The following ZPLD1 variants were observed in gnomAD, a reference collection of about 807,000 sequenced individuals.
ZPLD1 encodes the protein zona pellucida like domain containing 1.
ZPLD1 carries 34 observed loss-of-function variants against 47.2 expected under a neutral mutation model. The observed-to-expected ratio is 0.72, with a 90% confidence interval of 0.55 to 0.96. The LOEUF (loss-of-function observed/expected upper bound fraction) is 0.96. ZPLD1 is among the 40% of genes least tolerant of loss of function. The pLI is 0.00. For missense variants in ZPLD1, 512 were observed against 505.8 expected, an observed-to-expected ratio of 1.01 and a Z score of -0.12; for synonymous variants, 176 against 186.2, an observed-to-expected ratio of 0.95 and a Z score of 0.45.
chr3:102,402,014 T>C lies in ZPLD1; in HGVS notation c.-157+9789T>C, dbSNP rs191284523. Among the ~76,000 whole-genome samples the C allele has an allele frequency of 7.4e-3, 1,128 of 152,138 alleles. 6 individuals carry two copies. The highest frequency in any genetic ancestry group is 0.011 in the Admixed American group (163 of 15,256). On this transcript the variant is annotated intron_variant, in intron 7 of 17. Coordinates refer to the ZPLD1 transcript ENST00000491959. ...TGCGTTGTAAGTAAAGGCATTTTTTTCCCCTAGAGATTTGACTGCTTCTCT... is the reference window on the plus strand; with the variant it reads ...TGCGTTGTAAGTAAAGGCATTTTTTCCCCCTAGAGATTTGACTGCTTCTCT...
At position 102,442,747 on chromosome 3, in the gene ZPLD1, C is replaced by A. The variant is rs531072390; in HGVS notation, c.106+4154C>A. On this transcript the variant is annotated intron_variant, in intron 3 of 11. Transcript: ENST00000466937. Reference sequence around the variant, plus strand: ...GAGCAATCATCTCACCCTATGTGACCTTTGCTGTTTCATGACATTAGAACT... The same window carrying A: ...GAGCAATCATCTCACCCTATGTGACATTTGCTGTTTCATGACATTAGAACT... 2.6e-4 allele frequency among the ~76,000 whole-genome samples: 40 copies of A among 152,270 alleles called. No individual in the cohort carries two copies. In the East Asian group the frequency reaches 7.5e-3, roughly 29 times the overall value.
intron 8 of ZPLD1, among the ~76,000 whole-genome samples, chr3:102,465,703 T>C (rs1216050776): frequency 2.0e-5 from 3 of 152,176 alleles, no homozygotes; most frequent in Non-Finnish European, 4.4e-5. Context: ...AGTTTTCTTA[T>C]TGGAAACCAT....
intron 10 of ZPLD1, 146 bp from the exon 11 acceptor site, chr3:102,476,866 T>C (rs1229857972): frequency 1.2e-6 from 1 of 836,528 alleles, no homozygotes; most frequent in Non-Finnish European, 1.9e-6. Context: ...GACTTTCATT[T>C]TTGCCTTACT....
intron 8 of ZPLD1, among the ~76,000 whole-genome samples, chr3:102,465,864 T>C (rs974839375): frequency 2.0e-5 from 3 of 152,012 alleles, no homozygotes; most frequent in Admixed American, 1.3e-4. Context: ...AAAAGCAGTG[T>C]AGAAGAGGTG....
intron 3 of ZPLD1, among the ~76,000 whole-genome samples, chr3:102,447,191 A>C (rs1158340325): frequency 6.6e-6 from 1 of 151,906 alleles, no homozygotes; most frequent in East Asian, 1.9e-4. Flanking sequence ...TCAGCCTCCC[A>C]AGTAGCTGGG....
intron 8 of ZPLD1, among the ~76,000 whole-genome samples, chr3:102,427,665 G>C (rs993470900): frequency 1.3e-5 from 2 of 152,150 alleles, no homozygotes; most frequent in Admixed American, 6.5e-5. Context: ...GTAAGGCCCA[G>C]CATATGACAT....
chr3:102,435,188 A>G (rs774733386), intron 1 of ZPLD1, 34 bp downstream of exon 1: 1 of 1,611,706 alleles, frequency 6.2e-7, no homozygotes, highest in South Asian at 1.1e-5. Flanking sequence ...GCAAGATAAT[A>G]GTTCATCAGT....
intron 5 of ZPLD1, among the ~76,000 whole-genome samples, chr3:102,457,387 T>G (rs774540784): frequency 3.3e-5 from 5 of 152,312 alleles, no homozygotes; most frequent in Non-Finnish European, 7.3e-5. Flanking sequence ...AATTTATCAT[T>G]TACCTACTAT....
At chr3:102,416,582 A>T (rs996067091) in intron 7 of ZPLD1, among the ~76,000 whole-genome samples, 5 of 151,940 alleles carry the variant, frequency 3.3e-5, no homozygotes, top group African/African-American at 1.2e-4. Context: ...CTGTCAACAT[A>T]ATTAGGAAGA....
At chr3:102,421,395 G>C (rs778807158) in intron 8 of ZPLD1, among the ~76,000 whole-genome samples, 2 of 151,680 alleles carry the variant, frequency 1.3e-5, no homozygotes, top group African/African-American at 2.4e-5. Flanking sequence ...CATGTAATAA[G>C]TTATAATAAT....
chr3:102,457,750 C>T, intron 5 of ZPLD1, 31 bp from the exon 6 acceptor site: 3 of 1,601,812 alleles, frequency 1.9e-6, no homozygotes, highest in Non-Finnish European at 2.6e-6. Context: ...AAAATCTCAT[C>T]AGTGCTTTCC....
chr3:102,408,382 C>A lies in ZPLD1; in HGVS notation c.-156-9678C>A, dbSNP rs1489712623. Among the ~76,000 whole-genome samples the A allele has an allele frequency of 2.0e-5, 3 of 152,008 alleles. No homozygotes were observed. In the East Asian group the frequency reaches 5.8e-4, roughly 30 times the overall value. On this transcript the variant is annotated intron_variant, in intron 7 of 17. Transcript: ENST00000491959. ...ACACTTATTTGTCAGAACTGGATCACACGCCCATCCTCAGATTCATGGGAT... is the reference window on the plus strand; with the variant it reads ...ACACTTATTTGTCAGAACTGGATCAAACGCCCATCCTCAGATTCATGGGAT...
At chr3:102,442,719 TG>T (rs140824069) in intron 3 of ZPLD1, among the ~76,000 whole-genome samples, 1,628 of 152,274 alleles carry the variant, frequency 0.011, 17 homozygotes, top group Non-Finnish European at 0.014. Context: ...TTAATAATGA[TG>T]AGAGCAATCA....
chr3:102,424,996 T>G lies in ZPLD1; in HGVS notation c.-9+6789T>G, dbSNP rs75436463. ...TAGGTAGTTTGAAAAATAGCTGGGGTTTTTTTTTTTGTTGTTGTTCCATTA... is the reference window on the plus strand; with the variant it reads ...TAGGTAGTTTGAAAAATAGCTGGGGGTTTTTTTTTTGTTGTTGTTCCATTA... On this transcript the variant is annotated intron_variant, in intron 8 of 17. Coordinates refer to the ZPLD1 transcript ENST00000491959. Among the ~76,000 whole-genome samples the G allele has an allele frequency of 1.3e-3, 163 of 126,310 alleles. 1 individual carries two copies. The highest frequency in any genetic ancestry group is 4.1e-3 in the East Asian group (19 of 4,642). 82.9% of individuals were successfully genotyped at this position (126,310 alleles called of 152,430 possible).
At chr3:102,452,533 T>A (rs1389494167) in intron 3 of ZPLD1, among the ~76,000 whole-genome samples, 3 of 152,156 alleles carry the variant, frequency 2.0e-5, no homozygotes, top group Non-Finnish European at 4.4e-5. Context: ...TTTGTAGTGA[T>A]TTTCACTACT....
upstream of ZPLD1, among the ~76,000 whole-genome samples, chr3:102,430,558 T>C (rs922957785): frequency 2.0e-5 from 3 of 152,146 alleles, no homozygotes; most frequent in African/African-American, 7.2e-5. Context: ...GTGAAATAAA[T>C]AATTAATTAA....
intron 6 of ZPLD1, among the ~76,000 whole-genome samples, chr3:102,385,654 A>G (rs779370642): frequency 1.3e-5 from 2 of 152,230 alleles, no homozygotes; most frequent in Non-Finnish European, 2.9e-5. Flanking sequence ...AAATAATGTA[A>G]TATTCTGAAC....
At chr3:102,454,038 G>A (rs187599278) in intron 4 of ZPLD1, among the ~76,000 whole-genome samples, 332 of 152,198 alleles carry the variant, frequency 2.2e-3, no homozygotes, top group Middle Eastern at 3.4e-3. Context: ...TAACCACTTA[G>A]CCCAGGGAAG....
intron 6 of ZPLD1, among the ~76,000 whole-genome samples, chr3:102,460,341 T>G (rs1197186470): frequency 6.6e-6 from 1 of 152,016 alleles, no homozygotes; most frequent in Non-Finnish European, 1.5e-5. Context: ...TAGTTTATTT[T>G]TATGTGCTCT....
Sources: gnomAD v4.1 joint callset for allele counts (sites outside exome capture counted in the v4.1 genomes callset) on GRCh38, gnomAD v4.1.1 for gene constraint, MANE v1.5 for transcripts, NCBI Gene and HGNC (gene_info 2026-07-23, HGNC 2026-07-21) for gene names.